NBPF4: variants seen among roughly 807,000 people sequenced by gnomAD.
NBPF4 encodes NBPF member 4.
Under a neutral mutation model 21.1 loss-of-function variants are expected in NBPF4, and 11 were observed. That is an observed-to-expected ratio of 0.52 (90% CI 0.33 to 0.86). The LOEUF (loss-of-function observed/expected upper bound fraction) is 0.86, where lower values mean the gene tolerates loss of function less well. Ranked by LOEUF, NBPF4 falls within the 40% of genes least tolerant of loss-of-function variation. The probability of loss-of-function intolerance (pLI) is 0.03; values close to 1 mark genes in which losing one functional copy is unlikely to be tolerated. For synonymous variants in NBPF4, 47 were observed against 106.4 expected (o/e 0.44, Z 3.43); for missense variants, 88 against 265.3 (o/e 0.33, Z 4.64).
At chr1:108,264,203 C>A in the NBPF4 span, among the ~76,000 whole-genome samples, 2 of 150,196 alleles carry the variant, frequency 1.3e-5, no homozygotes, top group Non-Finnish European at 2.9e-5. Flanking sequence ...ATTTACCAAG[C>A]AAATGGAAAG....
the NBPF4 span, among the ~76,000 whole-genome samples, chr1:108,256,553 C>T: frequency 2.2e-5 from 2 of 92,988 alleles, no homozygotes; most frequent in African/African-American, 1.0e-4. Flanking sequence ...CCTCCCCTCC[C>T]CTGCCCTCCC....
chr1:108,245,857 G>GAC (rs1649833745), upstream of NBPF4, among the ~76,000 whole-genome samples: 1 of 80,500 alleles, frequency 1.2e-5, no homozygotes, highest in African/African-American at 5.2e-5. Context: ...CATTTTCCAG[G>GAC]ACAGAGGTGT....
intron 14 of NBPF4, among the ~76,000 whole-genome samples, chr1:108,223,997 GCAA>G (rs967057990): frequency 4.2e-5 from 6 of 143,596 alleles, no homozygotes; most frequent in African/African-American, 1.6e-4. Flanking sequence ...CCAGCAGTGG[GCAA>G]CATCATCCCC....
upstream of NBPF4, among the ~76,000 whole-genome samples, chr1:108,244,901 G>GATATAT (rs1173565670): frequency 0.018 from 222 of 12,428 alleles, 8 homozygotes; most frequent in Non-Finnish European, 0.023. Context: ...TATTGTTGGA[G>GATATAT]ATATATATAT....
At chr1:108,267,927 GTTTA>G in the NBPF4 span, among the ~76,000 whole-genome samples, 835 of 108,716 alleles carry the variant, frequency 7.7e-3, 6 homozygotes, top group Non-Finnish European at 9.5e-3. Flanking sequence ...TTGTTTGTTT[GTTTA>G]TTTATTTATT....
intron 3 of NBPF4, among the ~76,000 whole-genome samples, chr1:108,241,377 C>T (rs1394327556): frequency 6.9e-6 from 1 of 144,006 alleles, no homozygotes; most frequent in Non-Finnish European, 1.5e-5. Flanking sequence ...TATATACAAA[C>T]ATACACACAC....
rs1367140037 is a variant in NBPF4, at chr1:108,222,466, A to C, written c.*1239T>G. ...GTAAAAAATCCAATAGTCCAGAGTG[A>C]GAGGCAAGAAATGTTTTAATTAAAC... On this transcript the variant is annotated 3_prime_UTR_variant, in exon 15 of 15. Coordinates refer to ENST00000415641, the MANE Select transcript of NBPF4 (RefSeq NM_001143989.3). 6.6e-6 allele frequency among the ~76,000 whole-genome samples: 1 copy of C among 152,252 alleles called. No individual in the cohort carries two copies. Among genetic ancestry groups the C allele is most frequent in the Admixed American group, 6.5e-5 (1 of 15,286 alleles).
Position 108,223,352 on chromosome 1 carries a change from T to G in NBPF4, c.*353A>C, listed in dbSNP as rs1157722123. ...AGGCTAAGCGTTTTCAGCAAGAACATGGCATTGCTCATACTCTGCCCTGGC... is the reference window on the plus strand; with the variant it reads ...AGGCTAAGCGTTTTCAGCAAGAACAGGGCATTGCTCATACTCTGCCCTGGC... On this transcript the variant is annotated 3_prime_UTR_variant, in exon 15 of 15. Transcript: ENST00000415641. 1 of 228,274 alleles carries G rather than the reference T, an allele frequency of 4.4e-6. No individual in the cohort carries two copies. Among genetic ancestry groups the G allele is most frequent in the South Asian group, 8.2e-5 (1 of 12,226 alleles). 14.1% of individuals were successfully genotyped at this position (228,274 alleles called of 1,614,324 possible).
chr1:108,246,337 T>A (rs980841745), upstream of NBPF4, among the ~76,000 whole-genome samples: 1 of 123,188 alleles, frequency 8.1e-6, no homozygotes, highest in Non-Finnish European at 1.7e-5. Flanking sequence ...ATGTATTTTA[T>A]GGAGAAGATT....
upstream of NBPF4, among the ~76,000 whole-genome samples, chr1:108,244,905 T>C (rs1354283282): frequency 9.0e-5 from 2 of 22,288 alleles, no homozygotes; most frequent in African/African-American, 3.9e-4. Flanking sequence ...GTTGGAGATA[T>C]ATATATATAT....
the NBPF4 span, among the ~76,000 whole-genome samples, chr1:108,256,580 C>T: frequency 3.1e-5 from 3 of 95,990 alleles, no homozygotes; most frequent in Admixed American, 2.3e-4. Flanking sequence ...CCCCTCCCCT[C>T]CCTCCCTCTC....
intron 9 of NBPF4, among the ~76,000 whole-genome samples, chr1:108,234,644 C>G (rs956023239): frequency 1.7e-4 from 2 of 11,648 alleles, no homozygotes; most frequent in African/African-American, 5.5e-4. Context: ...AGCAAAGTAG[C>G]CAGATTATGA....
At chr1:108,233,752 AAC>A (rs1241670064) in intron 10 of NBPF4, among the ~76,000 whole-genome samples, 2 of 144,510 alleles carry the variant, frequency 1.4e-5, no homozygotes, top group African/African-American at 2.4e-5. Flanking sequence ...GCTCAGCTAA[AAC>A]AGGATAACAT....
At chr1:108,256,568 C>T in the NBPF4 span, among the ~76,000 whole-genome samples, 1 of 91,032 alleles carries the variant, frequency 1.1e-5, no homozygotes, top group Non-Finnish European at 2.1e-5. Context: ...CCTCCCTCTC[C>T]TCCCCTCCCC....
upstream of NBPF4, among the ~76,000 whole-genome samples, chr1:108,245,911 C>A (rs9435468): frequency 2.9e-5 from 3 of 102,868 alleles, 1 homozygote; most frequent in Non-Finnish European, 5.8e-5. Context: ...GTGTCTGCAA[C>A]CTTGCTTTAA....
chr1:108,248,205 AC>A (rs1429850069), upstream of NBPF4, among the ~76,000 whole-genome samples: 6 of 150,718 alleles, frequency 4.0e-5, no homozygotes, highest in Non-Finnish European at 8.9e-5. Flanking sequence ...TTACACTAGT[AC>A]TATAGTTTTT....
chr1:108,252,982 C>A, the NBPF4 span, among the ~76,000 whole-genome samples: 1 of 29,210 alleles, frequency 3.4e-5, no homozygotes, highest in Non-Finnish European at 6.3e-5. Flanking sequence ...AGCAATCAGG[C>A]AAATGAAAGA....
rs1649376735 is a variant in NBPF4 at position 108,223,517 on chromosome 1, A to G, written c.*188T>C. 1.5e-6 allele frequency: 1 copy of G among 682,768 alleles called. No individual in the cohort carries two copies. Among genetic ancestry groups the G allele is most frequent in the Non-Finnish European group, 2.6e-6 (1 of 387,182 alleles). The allele number at this position is 682,768 out of a possible 1,614,324, so 42.3% of individuals were successfully genotyped here. A position where few individuals can be genotyped will look rare whatever the true frequency, so the allele number is the denominator to read the frequency against. On this transcript the variant is annotated 3_prime_UTR_variant, in exon 15 of 15. Transcript: ENST00000415641. ...TTGGTCTCCCTAGGTATTGATCACA[A>G]TTGGAGGGGGATGGAATGTGGCTTC...
rs753370752 is a variant in NBPF4, at chr1:108,223,709, C to G, written c.1913G>C (p.Gly638Ala). ...NTAGRTQRMA[G>A] The stretch of plus-strand genomic sequence containing the variant: ...GCTGCTTTTTGTGACATTCTTTCAT[C>G]CTGCCATCCTTTGCGTCCTTCCAGC... Residue 638 changes from glycine to alanine, a missense_variant, in exon 15 of 15, where the codon GGA becomes GCA. Gly to Ala is a moderately conservative substitution (Grantham distance 60, BLOSUM62 0). This residue lies in a region of NBPF4 where 17 missense variants were observed against 20.7 expected (regional missense o/e 0.82). Transcript: ENST00000415641. The G allele has an allele frequency of 8.3e-6, 13 of 1,569,324 alleles. No homozygotes were observed. The highest frequency in any genetic ancestry group is 1.1e-5 in the Non-Finnish European group (13 of 1,156,940).
Sources: allele counts gnomAD v4.1 joint callset (sites outside exome capture counted in the v4.1 genomes callset), GRCh38; gene constraint gnomAD v4.1.1; regional missense constraint gnomAD v4.1.1; transcripts MANE v1.5; gene names NCBI Gene and HGNC (gene_info 2026-07-23, HGNC 2026-07-21).